The following CSMD1 variants were observed in gnomAD, a reference collection of about 807,000 sequenced individuals.
CSMD1 encodes CUB and sushi domain-containing protein 1.
Under a neutral mutation model 417.5 loss-of-function variants are expected in CSMD1, and 213 were observed. The observed-to-expected ratio is 0.51, with a 90% CI of 0.46 to 0.57. The LOEUF (loss-of-function observed/expected upper bound fraction) is 0.57. CSMD1 is among the 20% of genes least tolerant of loss of function. The pLI is 0.00. For missense variants in CSMD1, 6,923 were observed against 4,529.7 expected (o/e 1.53, Z -15.17); for synonymous variants, 2,862 against 1,736.8 (o/e 1.65, Z -16.11).
intron 3 of CSMD1, among the ~76,000 whole-genome samples, chr8:4,103,483 CATATAT>C (rs1251857001): frequency 2.0e-5 from 3 of 150,268 alleles, no homozygotes; most frequent in Non-Finnish European, 4.4e-5. Flanking sequence ...AAGGGTTTTA[CATATAT>C]ATAAATAAAC....
intron 3 of CSMD1, among the ~76,000 whole-genome samples, chr8:4,182,858 T>C (rs975648479): frequency 1.3e-5 from 2 of 152,154 alleles, no homozygotes; most frequent in Non-Finnish European, 2.9e-5. Context: ...CAGAAATTAA[T>C]AGCATCAAAC....
chr8:3,893,904 C>G (rs1164854884), intron 5 of CSMD1, among the ~76,000 whole-genome samples: 1 of 152,022 alleles, frequency 6.6e-6, no homozygotes, highest in African/African-American at 2.4e-5. Flanking sequence ...ATGAGACATG[C>G]AATTCATGAG....
intron 37 of CSMD1, among the ~76,000 whole-genome samples, chr8:3,167,493 A>G (rs1440022492): frequency 6.6e-6 from 1 of 152,216 alleles, no homozygotes; most frequent in Non-Finnish European, 1.5e-5. Context: ...AACAAAACGC[A>G]GGCATTGGGA....
intron 3 of CSMD1, among the ~76,000 whole-genome samples, chr8:4,082,343 A>C (rs895109862): frequency 5.9e-5 from 9 of 152,314 alleles, no homozygotes; most frequent in African/African-American, 2.2e-4. Context: ...TTTAAAGTTA[A>C]AATGACAGGC....
chr8:3,502,228 G>T (rs975204713), intron 10 of CSMD1, among the ~76,000 whole-genome samples: 2 of 151,894 alleles, frequency 1.3e-5, no homozygotes, highest in African/African-American at 4.8e-5. Context: ...AGCCGGGCAT[G>T]GTGGTGGGCG....
chr8:3,645,269 T>G (rs1797519670), intron 7 of CSMD1, among the ~76,000 whole-genome samples: 2 of 152,188 alleles, frequency 1.3e-5, no homozygotes, highest in South Asian at 4.1e-4. Flanking sequence ...CATACACTTG[T>G]CTCAGGAAGC....
rs985122380 is a variant in CSMD1 at position 3,965,084 on chromosome 8, G to C, written c.818+32819C>G. The stretch of plus-strand genomic sequence containing the variant: ...AATCCATAAAGCACTCGCCGCAGTA[G>C]CTGACTTAGTAAATGGATAACTTCA... On this transcript the variant is annotated intron_variant, in intron 5 of 69. Transcript: ENST00000635120. Among the ~76,000 whole-genome samples the C allele has an allele frequency of 4.6e-5, 7 of 152,180 alleles. 1 individual carries two copies. The highest frequency in any genetic ancestry group is 2.1e-4 in the South Asian group (1 of 4,826).
chr8:3,887,194 A>G (rs1806624952), intron 5 of CSMD1, among the ~76,000 whole-genome samples: 2 of 152,160 alleles, frequency 1.3e-5, no homozygotes, highest in Non-Finnish European at 2.9e-5. Flanking sequence ...TCAAGCGCCC[A>G]GAGGCAATCA....
At chr8:4,788,751 A>G (rs111616011) in intron 1 of CSMD1, among the ~76,000 whole-genome samples, 2,763 of 152,002 alleles carry the variant, frequency 0.018, 48 homozygotes, top group Non-Finnish European at 0.027. Flanking sequence ...ATGAAAACCT[A>G]AAAAAAATAA....
chr8:3,167,640 G>C (rs1200775020), intron 37 of CSMD1, among the ~76,000 whole-genome samples: 1 of 152,186 alleles, frequency 6.6e-6, no homozygotes, highest in Non-Finnish European at 1.5e-5. Flanking sequence ...GTAGAATGTA[G>C]CAAGAGAAGT....
At chr8:3,950,846 T>C (rs892879385) in intron 5 of CSMD1, among the ~76,000 whole-genome samples, 3 of 152,208 alleles carry the variant, frequency 2.0e-5, no homozygotes, top group African/African-American at 7.2e-5. Flanking sequence ...AAGTAGAATA[T>C]TTTCTTTAAA....
intron 3 of CSMD1, among the ~76,000 whole-genome samples, chr8:4,101,958 G>C (rs1801326463): frequency 6.6e-6 from 1 of 152,140 alleles, no homozygotes; most frequent in African/African-American, 2.4e-5. Context: ...ATAGAGAAAG[G>C]AGGACTCTTG....
chr8:4,646,090 C>T (rs1232618303), intron 1 of CSMD1, among the ~76,000 whole-genome samples: 6 of 152,174 alleles, frequency 3.9e-5, no homozygotes, highest in African/African-American at 9.7e-5. Context: ...CCTGAGTCTT[C>T]GCTTCAGAGA....
intron 12 of CSMD1, among the ~76,000 whole-genome samples, chr8:3,448,636 A>G (rs1398611177): frequency 6.6e-6 from 1 of 152,066 alleles, no homozygotes; most frequent in Non-Finnish European, 1.5e-5. Context: ...AGTGTGGGGC[A>G]AGGAGCGGGG....
intron 54 of CSMD1, among the ~76,000 whole-genome samples, chr8:2,981,505 G>T (rs761076027): frequency 6.6e-6 from 1 of 152,220 alleles, no homozygotes; most frequent in Non-Finnish European, 1.5e-5. Flanking sequence ...CTAGACGGCT[G>T]CACCTCATCT....
intron 1 of CSMD1, among the ~76,000 whole-genome samples, chr8:4,895,621 T>G (rs1370451097): frequency 6.6e-6 from 1 of 152,078 alleles, no homozygotes; most frequent in Admixed American, 6.5e-5. Flanking sequence ...GATATGACTT[T>G]CCTACTCTGA....
intron 4 of CSMD1, among the ~76,000 whole-genome samples, chr8:4,006,633 G>A (rs1037753719): frequency 6.6e-6 from 1 of 152,172 alleles, no homozygotes; most frequent in Non-Finnish European, 1.5e-5. Context: ...CCATAGGTAA[G>A]CAAGAGAGGG....
chr8:4,793,008 C>A (rs541774609), intron 1 of CSMD1, among the ~76,000 whole-genome samples: 284 of 145,288 alleles, frequency 2.0e-3, no homozygotes, highest in African/African-American at 6.8e-3. Flanking sequence ...ATATATATAT[C>A]TCCACACACA....
intron 3 of CSMD1, among the ~76,000 whole-genome samples, chr8:4,252,642 C>G (rs562690113): frequency 2.0e-5 from 3 of 152,158 alleles, no homozygotes; most frequent in Admixed American, 2.0e-4. Context: ...AGAAGTAACA[C>G]CCAGTTTAAA....
Sources: allele counts gnomAD v4.1 joint callset (sites outside exome capture counted in the v4.1 genomes callset), GRCh38; gene constraint gnomAD v4.1.1; transcripts MANE v1.5; gene names NCBI Gene and HGNC (gene_info 2026-07-23, HGNC 2026-07-21).